The following PACRG variants were observed in gnomAD, a reference collection of about 807,000 sequenced individuals.
PACRG encodes the protein parkin coregulated gene protein.
A neutral mutation model predicts 29.7 loss-of-function variants in PACRG; 29 were observed. The ratio of observed to expected loss-of-function variants is 0.98; its 90% confidence interval spans 0.73 to 1.33. The LOEUF (loss-of-function observed/expected upper bound fraction) is 1.33. Among genes scored for constraint, PACRG ranks in the 40% most tolerant of loss-of-function variants. The pLI, the probability that PACRG is intolerant of heterozygous loss-of-function variation, is 0.00. For synonymous variants in PACRG, 116 were observed against 118.7 expected (o/e 0.98, Z 0.15); for missense variants, 279 against 316.2 (o/e 0.88, Z 0.89).
chr6:162,742,521 A>G (rs748655614), intron 1 of PACRG, among the ~76,000 whole-genome samples: 3 of 152,030 alleles, frequency 2.0e-5, no homozygotes, highest in Non-Finnish European at 4.4e-5. Flanking sequence ...ATTGTGTGGT[A>G]TTTGTCTTTC....
In PACRG at chr6:163,270,370, A is replaced by AT. The variant is rs889784282; in HGVS notation, c.614-44446dup. On this transcript the variant is annotated intron_variant, in intron 4 of 4. Coordinates refer to ENST00000366888, the MANE Select transcript of PACRG (RefSeq NM_001080379.2). ...AAATTAAATGTAAAACATAAAATGA[A>AT]TTTTTTTTTTTAAATTTCAGTGATA... Among the ~76,000 whole-genome samples, 169 of 149,974 alleles carry AT rather than the reference A, an allele frequency of 1.1e-3. 1 individual carries two copies. The highest frequency in any genetic ancestry group is 3.0e-3 in the African/African-American group (125 of 40,988).
rs925297050 is a variant in PACRG at position 163,314,744 on chromosome 6, C to A, written c.614-83C>A. Reference sequence around the variant, plus strand: ...ATGTTTGTGTCTCCTAATAAGCATTCAGAGAAAATGCCTAGACTGTGTAGG... The same window carrying A: ...ATGTTTGTGTCTCCTAATAAGCATTAAGAGAAAATGCCTAGACTGTGTAGG... On this transcript the variant is annotated intron_variant, in intron 4 of 4. Coordinates refer to ENST00000366888, the MANE Select transcript of PACRG (RefSeq NM_001080379.2). 7.0e-6 allele frequency: 10 copies of A among 1,427,850 alleles called. No homozygotes were observed. The African/African-American group carries it at 1.4e-4, about 21-fold the overall frequency. 88.4% of individuals were successfully genotyped at this position (1,427,850 alleles called of 1,614,324 possible).
chr6:162,963,923 G>C (rs1414558320), intron 2 of PACRG, among the ~76,000 whole-genome samples: 1 of 152,096 alleles, frequency 6.6e-6, no homozygotes, highest in African/African-American at 2.4e-5. Flanking sequence ...TTTTAACCTA[G>C]ATTGTTATTC....
intron 4 of PACRG, among the ~76,000 whole-genome samples, chr6:163,248,180 T>A (rs989944739): frequency 6.6e-6 from 1 of 152,222 alleles, no homozygotes; most frequent in Admixed American, 6.5e-5. Context: ...GGTTGTTGAA[T>A]GTTGCATGGG....
chr6:163,219,857 G>A (rs4709681), intron 4 of PACRG, among the ~76,000 whole-genome samples: 44,199 of 151,980 alleles, frequency 0.29, 7,206 homozygotes, highest in East Asian at 0.6. Context: ...TCCTGGCCCC[G>A]GTCTCCATGG....
chr6:163,112,648 A>G (rs1337052868), intron 4 of PACRG, among the ~76,000 whole-genome samples: 3 of 152,186 alleles, frequency 2.0e-5, no homozygotes, highest in Non-Finnish European at 4.4e-5. Context: ...GAAAGTCACT[A>G]TGCATGCCCA....
At chr6:162,789,601 A>G (rs1411632965) in intron 1 of PACRG, among the ~76,000 whole-genome samples, 1 of 152,128 alleles carries the variant, frequency 6.6e-6, no homozygotes, top group African/African-American at 2.4e-5. Context: ...TGGTTTCTTC[A>G]TATTATATTT....
chr6:162,968,743 C>A (rs1801262493), intron 2 of PACRG, among the ~76,000 whole-genome samples: 2 of 152,030 alleles, frequency 1.3e-5, no homozygotes, highest in African/African-American at 4.8e-5. Context: ...ATGCATAAAG[C>A]AAAATCTTCA....
intron 4 of PACRG, among the ~76,000 whole-genome samples, chr6:163,121,509 G>C (rs1816268072): frequency 6.6e-6 from 1 of 152,034 alleles, no homozygotes; most frequent in African/African-American, 2.4e-5. Context: ...GTCACTTCCA[G>C]CCGATCCAGG....
At chr6:162,838,451 A>G (rs1789440138) in intron 2 of PACRG, among the ~76,000 whole-genome samples, 1 of 152,168 alleles carries the variant, frequency 6.6e-6, no homozygotes, top group African/African-American at 2.4e-5. Context: ...TGTTGATCGG[A>G]AATCAGCCAA....
At chr6:162,791,312 T>TTTG (rs1554279962) in intron 1 of PACRG, among the ~76,000 whole-genome samples, 16 of 80,890 alleles carry the variant, frequency 2.0e-4, no homozygotes, top group Middle Eastern at 5.7e-3. Flanking sequence ...TGTTTGTTTG[T>TTTG]TTTTTTTTTT....
intron 1 of PACRG, among the ~76,000 whole-genome samples, chr6:162,760,365 A>G (rs185568435): frequency 2.0e-5 from 3 of 152,286 alleles, no homozygotes; most frequent in East Asian, 3.9e-4. Flanking sequence ...TGATCAGCAG[A>G]AGGGGATTTC....
At chr6:162,831,737 TGTAA>T (rs1252497573) in intron 2 of PACRG, among the ~76,000 whole-genome samples, 2 of 152,156 alleles carry the variant, frequency 1.3e-5, no homozygotes, top group African/African-American at 4.8e-5. Context: ...AGCTCCAACT[TGTAA>T]GTGAGAATAT....
chr6:163,117,909 A>G (rs1444636276), intron 4 of PACRG, among the ~76,000 whole-genome samples: 4 of 152,148 alleles, frequency 2.6e-5, no homozygotes, highest in African/African-American at 9.7e-5. Flanking sequence ...TACCTAATGT[A>G]CAGGCAGAGA....
Position 163,191,921 on chromosome 6 carries a change from C to T in PACRG, c.613+102513C>T, listed in dbSNP as rs143078605. ...AAGCTTCCTGAAGACTGTCCTGCTCCTCAATGTCCCATCCCCTCCCGAACT... is the reference window on the plus strand; with the variant it reads ...AAGCTTCCTGAAGACTGTCCTGCTCTTCAATGTCCCATCCCCTCCCGAACT... On this transcript the variant is annotated intron_variant, in intron 4 of 4. Coordinates refer to ENST00000366888, the MANE Select transcript of PACRG (RefSeq NM_001080379.2). 9.6e-4 allele frequency: 360 copies of T among 376,360 alleles called. 11 individuals carry two copies. In the East Asian group the frequency reaches 0.023, roughly 24 times the overall value. The allele number at this position is 376,360 out of a possible 1,614,324, so 23.3% of individuals were successfully genotyped here.
At chr6:163,050,343 A>C (rs1248081870) in intron 2 of PACRG, among the ~76,000 whole-genome samples, 5 of 152,086 alleles carry the variant, frequency 3.3e-5, no homozygotes, top group African/African-American at 1.2e-4. Flanking sequence ...CTTTCAAGGC[A>C]GAGATATTAC....
intron 2 of PACRG, among the ~76,000 whole-genome samples, chr6:162,830,001 T>G (rs1400435042): frequency 2.0e-5 from 3 of 152,180 alleles, no homozygotes; most frequent in African/African-American, 7.2e-5. Flanking sequence ...GGCTAGTGTC[T>G]CTGAGGCTGC....
Position 162,975,489 on chromosome 6 carries a change from A to T in PACRG, c.292-86661A>T, listed in dbSNP as rs1584916501. Among the ~76,000 whole-genome samples, 4 of 152,316 alleles carry T rather than the reference A, an allele frequency of 2.6e-5. 1 individual carries two copies. In the South Asian group the frequency reaches 8.3e-4, roughly 32 times the overall value. On this transcript the variant is annotated intron_variant, in intron 2 of 4. Coordinates refer to ENST00000366888, the MANE Select transcript of PACRG (RefSeq NM_001080379.2). ...ATCTGCTCTTTGTGTTTTGTTTCAC[A>T]CTTTAATGCAATAAAGTGTTTACAA...
chr6:163,247,886 T>C (rs1351138833), intron 4 of PACRG, among the ~76,000 whole-genome samples: 2 of 152,244 alleles, frequency 1.3e-5, no homozygotes, highest in African/African-American at 4.8e-5. Context: ...CCCTGTGAAG[T>C]TGGTTTTTAT....
Sources: gnomAD v4.1 joint callset for allele counts (sites outside exome capture counted in the v4.1 genomes callset) on GRCh38, gnomAD v4.1.1 for gene constraint, MANE v1.5 for transcripts, NCBI Gene and HGNC (gene_info 2026-07-23, HGNC 2026-07-21) for gene names.